TRIO: variants seen among roughly 807,000 people sequenced by gnomAD.
TRIO encodes triple functional domain protein.
Under a neutral mutation model 351.9 loss-of-function variants are expected in TRIO, and 58 were observed. The ratio of observed to expected loss-of-function variants is 0.16; its 90% confidence interval spans 0.13 to 0.21. The LOEUF is 0.21. Ranked by LOEUF, TRIO falls within the 10% of genes least tolerant of loss-of-function variation. The probability of loss-of-function intolerance (pLI) is 1.00; values close to 1 mark genes in which losing one functional copy is unlikely to be tolerated. For synonymous variants in TRIO, 1,758 were observed against 1,595.7 expected (o/e 1.10, Z -2.42); for missense variants, 3,201 against 4,027.8 (o/e 0.79, Z 5.56).
chr5:14,179,178 C>T (rs974895641), intron 1 of TRIO, among the ~76,000 whole-genome samples: 8 of 152,282 alleles, frequency 5.3e-5, no homozygotes, highest in African/African-American at 9.6e-5. Context: ...CCACCCACCC[C>T]GCTTTGGCCC....
chr5:14,427,488 C>G (rs780693727), intron 34 of TRIO, among the ~76,000 whole-genome samples: 1 of 152,198 alleles, frequency 6.6e-6, no homozygotes, highest in Non-Finnish European at 1.5e-5. Context: ...TACGCCGGTG[C>G]TGTTTCCCTG....
At chr5:14,238,654 C>T (rs751769091) in intron 1 of TRIO, among the ~76,000 whole-genome samples, 5 of 152,184 alleles carry the variant, frequency 3.3e-5, no homozygotes, top group Non-Finnish European at 5.9e-5. Flanking sequence ...CATATTTCAT[C>T]TTTTTTTCTT....
chr5:14,434,339 A>C (rs896365935), intron 34 of TRIO, among the ~76,000 whole-genome samples: 3 of 152,192 alleles, frequency 2.0e-5, no homozygotes, highest in African/African-American at 7.2e-5. Context: ...CGATAATCAT[A>C]AACCCCTTTA....
At chr5:14,455,716 T>A (rs1357098623) in intron 34 of TRIO, among the ~76,000 whole-genome samples, 1 of 152,204 alleles carries the variant, frequency 6.6e-6, no homozygotes, top group Non-Finnish European at 1.5e-5. Flanking sequence ...TGCTGATTGG[T>A]GCATCCATGA....
chr5:14,270,692 G>C, intron 1 of TRIO, 133 bp from the exon 2 acceptor site: 1 of 700,066 alleles, frequency 1.4e-6, no homozygotes, highest in Non-Finnish European at 2.5e-6. Context: ...TAAATGTTGT[G>C]CTATGATCAT....
chr5:14,197,292 G>A (rs1790837246), intron 1 of TRIO, among the ~76,000 whole-genome samples: 1 of 59,338 alleles, frequency 1.7e-5, no homozygotes, highest in Non-Finnish European at 5.4e-5. Flanking sequence ...CATAAAGTGT[G>A]TATCGAGGTG....
chr5:14,414,289 A>G (rs10513178), intron 33 of TRIO, among the ~76,000 whole-genome samples: 4,337 of 152,344 alleles, frequency 0.028, 168 homozygotes, highest in African/African-American at 0.097. Flanking sequence ...CAAGAGTACA[A>G]TGTTGGTCCA....
chr5:14,340,743 G>T (rs192071503), intron 11 of TRIO, among the ~76,000 whole-genome samples: 1 of 152,182 alleles, frequency 6.6e-6, no homozygotes, highest in African/African-American at 2.4e-5. Flanking sequence ...TGAAGACCAG[G>T]CTCTTAGACT....
Position 14,405,960 on chromosome 5 carries a change from C to A in TRIO, c.4829C>A (p.Thr1610Asn). Residue 1610 changes from threonine (T) to asparagine (N), a missense_variant, in exon 32 of 57, where the codon ACC becomes AAC. Physicochemically the swap from Thr to Asn is moderately conservative, Grantham distance 65. Around this residue, in one of 19 missense-constraint regions of TRIO, gnomAD observed 136 missense variants for 229.5 expected, o/e 0.59. Transcript: ENST00000344204. ...ALKEPIHIPK[T>N]APATRQKGRR... ...AAGGAGCCCATTCACATCCCTAAGACCGCTCCCGCCACAAGACAGAAGGGA... is the reference window on the plus strand; with the variant it reads ...AAGGAGCCCATTCACATCCCTAAGAACGCTCCCGCCACAAGACAGAAGGGA... 6.2e-7 allele frequency: 1 copy of A among 1,607,766 alleles called. No homozygotes were observed. Among genetic ancestry groups the A allele is most frequent in the Non-Finnish European group, 8.5e-7 (1 of 1,177,516 alleles).
At chr5:14,329,056 A>G (rs1344903923) in intron 9 of TRIO, among the ~76,000 whole-genome samples, 1 of 152,184 alleles carries the variant, frequency 6.6e-6, no homozygotes, top group Non-Finnish European at 1.5e-5. Flanking sequence ...AATGAGGAAC[A>G]TGTCAGGCTC....
At chr5:14,351,608 C>T (rs1328287018) in intron 11 of TRIO, among the ~76,000 whole-genome samples, 1 of 152,248 alleles carries the variant, frequency 6.6e-6, no homozygotes, top group Non-Finnish European at 1.5e-5. Context: ...CTCACTCCGG[C>T]TTCCCAGTTA....
chr5:14,145,196 C>CAGTT (rs2152111643), intron 1 of TRIO, among the ~76,000 whole-genome samples: 1 of 152,308 alleles, frequency 6.6e-6, no homozygotes, highest in Non-Finnish European at 1.5e-5. Context: ...TCGGTGAGAT[C>CAGTT]AGTTCCCCAA....
chr5:14,469,517 C>CA (rs1485285472), intron 37 of TRIO, among the ~76,000 whole-genome samples: 23 of 152,290 alleles, frequency 1.5e-4, no homozygotes, highest in African/African-American at 5.5e-4. Context: ...GAGAAGGACA[C>CA]AAAAAACAAC....
chr5:14,328,552 A>G (rs930049122), intron 9 of TRIO, among the ~76,000 whole-genome samples: 1 of 152,270 alleles, frequency 6.6e-6, no homozygotes, highest in Non-Finnish European at 1.5e-5. Context: ...TCTAGTTAAA[A>G]TAATGTACCG....
At chr5:14,455,594 TG>T (rs1383155427) in intron 34 of TRIO, among the ~76,000 whole-genome samples, 1 of 152,112 alleles carries the variant, frequency 6.6e-6, no homozygotes, top group African/African-American at 2.4e-5. Context: ...GAGTGCTGAT[TG>T]GTGCATTTAC....
At position 14,506,485 on chromosome 5, in the gene TRIO, C is replaced by T. The variant is rs181301292; in HGVS notation, c.8613-637C>T. 5.3e-5 allele frequency among the ~76,000 whole-genome samples: 8 copies of T among 152,364 alleles called. No individual in the cohort carries two copies. In the East Asian group the frequency reaches 1.3e-3, roughly 26 times the overall value. On this transcript the variant is annotated intron_variant, in intron 55 of 56. Coordinates refer to ENST00000344204, the MANE Select transcript of TRIO (RefSeq NM_007118.4). The stretch of plus-strand genomic sequence containing the variant: ...TGTGGGACCTTGGGAACGTTTCATG[C>T]TTTCTCTGTCCTGAGTTTCCTCGTG...
rs1243633981 is a variant in TRIO, at chr5:14,508,805, G to A, written c.*383G>A. On this transcript the variant is annotated 3_prime_UTR_variant, in exon 57 of 57. Coordinates refer to ENST00000344204, the MANE Select transcript of TRIO (RefSeq NM_007118.4). ...ACTGGTGTTAATGAACAAAGATACT[G>A]TGCGTCTCTGGGGAAGACGCACCTA... 5.3e-6 allele frequency: 1 copy of A among 188,436 alleles called. No individual in the cohort carries two copies. Among genetic ancestry groups the A allele is most frequent in the Non-Finnish European group, 1.1e-5 (1 of 90,346 alleles). 11.7% of individuals were successfully genotyped at this position (188,436 alleles called of 1,614,324 possible).
chr5:14,424,494 G>GA (rs1184202006), intron 34 of TRIO, among the ~76,000 whole-genome samples: 1 of 151,760 alleles, frequency 6.6e-6, no homozygotes, highest in African/African-American at 2.4e-5. Flanking sequence ...AAATTAAAGG[G>GA]AAAAAAAACA....
At chr5:14,238,463 C>G (rs1012151917) in intron 1 of TRIO, among the ~76,000 whole-genome samples, 2 of 152,212 alleles carry the variant, frequency 1.3e-5, no homozygotes, top group Non-Finnish European at 2.9e-5. Flanking sequence ...CTCCAGGGCT[C>G]CACCAGCCCA....
Sources: gnomAD v4.1 joint callset for allele counts (sites outside exome capture counted in the v4.1 genomes callset) on GRCh38, gnomAD v4.1.1 for gene constraint, gnomAD v4.1.1 regional missense constraint, MANE v1.5 for transcripts, NCBI Gene and HGNC (gene_info 2026-07-23, HGNC 2026-07-21) for gene names.